The following RYR2 variants were observed in gnomAD, a reference collection of about 807,000 sequenced individuals.
RYR2 encodes cardiac muscle ryanodine receptor-calcium release channel.
Under a neutral mutation model 601.1 loss-of-function variants are expected in RYR2, and 227 were observed. The ratio of observed to expected loss-of-function variants is 0.38; its 90% confidence interval spans 0.34 to 0.42. The LOEUF is 0.42. RYR2 is among the 10% of genes least tolerant of loss of function. The probability of loss-of-function intolerance (pLI) is 1.00; values close to 1 mark genes in which losing one functional copy is unlikely to be tolerated. For synonymous variants in RYR2, 2,223 were observed against 2,175.1 expected (o/e 1.02, Z -0.61); for missense variants, 4,646 against 6,156.5 (o/e 0.75, Z 8.21).
At chr1:237,774,541 T>A (rs1418304014) in intron 87 of RYR2, among the ~76,000 whole-genome samples, 1 of 152,132 alleles carries the variant, frequency 6.6e-6, no homozygotes, top group African/African-American at 2.4e-5. Context: ...CTTTTTCTAT[T>A]TTTTGCCTTG....
chr1:237,518,614 T>C (rs1666792448), intron 24 of RYR2, among the ~76,000 whole-genome samples: 1 of 152,238 alleles, frequency 6.6e-6, no homozygotes, highest in African/African-American at 2.4e-5. Flanking sequence ...TGCTGAATAA[T>C]AGTCCATTAT....
chr1:237,695,413 G>A (rs1687331143), intron 63 of RYR2, among the ~76,000 whole-genome samples: 1 of 152,178 alleles, frequency 6.6e-6, no homozygotes, highest in African/African-American at 2.4e-5. Flanking sequence ...GATGAGAGGT[G>A]TGTATCTGAG....
chr1:237,164,325 A>G (rs1421400491), intron 1 of RYR2, among the ~76,000 whole-genome samples: 2 of 152,216 alleles, frequency 1.3e-5, no homozygotes, highest in Admixed American at 6.5e-5. Context: ...GGATAACATC[A>G]GAATGCTGAT....
chr1:237,115,172 C>T (rs757513634), intron 1 of RYR2, among the ~76,000 whole-genome samples: 1 of 152,040 alleles, frequency 6.6e-6, no homozygotes, highest in African/African-American at 2.4e-5. Context: ...GAGACCACGC[C>T]TCCAGAGACC....
intron 20 of RYR2, among the ~76,000 whole-genome samples, chr1:237,498,986 A>G (rs1055456477): frequency 6.6e-6 from 1 of 152,144 alleles, no homozygotes; most frequent in African/African-American, 2.4e-5. Flanking sequence ...GTAATTAATG[A>G]AGACAAATCT....
intron 68 of RYR2, among the ~76,000 whole-genome samples, chr1:237,708,585 C>T (rs1326218537): frequency 1.3e-5 from 2 of 152,020 alleles, no homozygotes; most frequent in Non-Finnish European, 1.5e-5. Context: ...AAATGATTTC[C>T]AAAATGAGTG....
chr1:237,438,212 T>C (rs1197873462), intron 12 of RYR2, among the ~76,000 whole-genome samples: 1 of 152,176 alleles, frequency 6.6e-6, no homozygotes, highest in Non-Finnish European at 1.5e-5. Context: ...CTTTATATTT[T>C]TGAACATATT....
At chr1:237,631,987 T>C (rs1680378630) in intron 42 of RYR2, among the ~76,000 whole-genome samples, 1 of 152,090 alleles carries the variant, frequency 6.6e-6, no homozygotes, top group South Asian at 2.1e-4. Context: ...TGACTGTTTT[T>C]AAAGAAGACT....
At chr1:237,064,242 A>G (rs1572503600) in intron 1 of RYR2, among the ~76,000 whole-genome samples, 2 of 151,946 alleles carry the variant, frequency 1.3e-5, no homozygotes, top group African/African-American at 2.4e-5. Flanking sequence ...CAGTTCATAA[A>G]TCTCTTTTTG....
At chr1:237,059,576 C>T (rs1451616142) in intron 1 of RYR2, among the ~76,000 whole-genome samples, 1 of 152,086 alleles carries the variant, frequency 6.6e-6, no homozygotes, top group Non-Finnish European at 1.5e-5. Flanking sequence ...TGATAAGATT[C>T]TTCTGTGCCA....
intron 89 of RYR2, among the ~76,000 whole-genome samples, chr1:237,782,178 CT>C (rs35521596): frequency 0.018 from 2,169 of 119,100 alleles, 32 homozygotes; most frequent in African/African-American, 0.048. Flanking sequence ...TTTGTTATTG[CT>C]TTTTTTTTTT....
intron 73 of RYR2, among the ~76,000 whole-genome samples, chr1:237,721,948 T>C (rs1182853503): frequency 1.3e-5 from 2 of 152,218 alleles, no homozygotes; most frequent in Non-Finnish European, 2.9e-5. Context: ...CACATGAAGA[T>C]TTCATATACG....
At chr1:237,639,284 T>C in intron 46 of RYR2, 83 bp downstream of exon 46, 1 of 1,268,950 alleles carries the variant, frequency 7.9e-7, no homozygotes, top group Non-Finnish European at 1.1e-6. Flanking sequence ...ATCCTATGAA[T>C]TGTAATATAA....
intron 13 of RYR2, among the ~76,000 whole-genome samples, chr1:237,442,255 T>C (rs1287219632): frequency 6.6e-6 from 1 of 152,360 alleles, no homozygotes; most frequent in Non-Finnish European, 1.5e-5. Flanking sequence ...TTTCTTTTGA[T>C]AATGACGTTT....
chr1:237,300,765 T>C (rs1693268938), intron 2 of RYR2, among the ~76,000 whole-genome samples: 1 of 152,154 alleles, frequency 6.6e-6, no homozygotes, highest in African/African-American at 2.4e-5. Flanking sequence ...CGGTGACCTT[T>C]CCACATTTTT....
chr1:237,609,080 G>T (rs1677499282), intron 35 of RYR2, among the ~76,000 whole-genome samples: 1 of 134,600 alleles, frequency 7.4e-6, no homozygotes, highest in South Asian at 2.6e-4. Context: ...CTTGCTGACA[G>T]TCTCACTCTG....
At chr1:237,556,834 A>G (rs977542366) in intron 27 of RYR2, among the ~76,000 whole-genome samples, 1 of 139,022 alleles carries the variant, frequency 7.2e-6, no homozygotes, top group Non-Finnish European at 1.5e-5. Flanking sequence ...GAGGAGGTAT[A>G]TTAGTTATCT....
intron 98 of RYR2, chr1:237,802,140 C>G (rs1660049698): frequency 2.9e-6 from 1 of 349,834 alleles, no homozygotes; most frequent in Non-Finnish European, 5.1e-6. Flanking sequence ...ATATGAAAAA[C>G]TGAGATGCAG....
chr1:237,226,763 G>T (rs752048574), intron 1 of RYR2, among the ~76,000 whole-genome samples: 8 of 151,934 alleles, frequency 5.3e-5, no homozygotes, highest in Admixed American at 2.6e-4. Flanking sequence ...TCACATAGTG[G>T]TTTTTTTGGT....
Sources: allele counts gnomAD v4.1 joint callset (sites outside exome capture counted in the v4.1 genomes callset), GRCh38; gene constraint gnomAD v4.1.1; transcripts MANE v1.5; gene names NCBI Gene and HGNC (gene_info 2026-07-23, HGNC 2026-07-21).